Variants in LDLRAD4 observed in about 807,000 individuals in gnomAD.
The protein encoded by LDLRAD4 is low-density lipoprotein receptor class A domain-containing protein 4.
Under a neutral mutation model 17.0 loss-of-function variants are expected in LDLRAD4, and 5 were observed. The ratio of observed to expected loss-of-function variants is 0.29; its 90% CI spans 0.15 to 0.62. The LOEUF (loss-of-function observed/expected upper bound fraction) is 0.62. Among genes scored for constraint, LDLRAD4 ranks in the 20% least tolerant of loss-of-function variants. LDLRAD4 has a pLI of 0.84. For synonymous variants in LDLRAD4, 168 were observed against 171.8 expected, an observed-to-expected ratio of 0.98 and a Z score of 0.17; for missense variants, 340 against 424.7, an observed-to-expected ratio of 0.80 and a Z score of 1.75.
intron 1 of LDLRAD4, among the ~76,000 whole-genome samples, chr18:13,347,883 A>G (rs1396892049): frequency 1.3e-5 from 2 of 152,156 alleles, no homozygotes; most frequent in African/African-American, 2.4e-5. Context: ...AGGCTTGCGC[A>G]TTCGTCACAT....
At chr18:13,466,141 A>C (rs1023967367) in intron 3 of LDLRAD4, among the ~76,000 whole-genome samples, 14 of 152,202 alleles carry the variant, frequency 9.2e-5, no homozygotes, top group Admixed American at 2.6e-4. Context: ...GTTTGCAATT[A>C]GTTGTCTCTT....
chr18:13,605,345 GT>G (rs1344659153), intron 3 of LDLRAD4, among the ~76,000 whole-genome samples: 2 of 152,196 alleles, frequency 1.3e-5, no homozygotes, highest in Non-Finnish European at 2.9e-5. Context: ...AGCCTCCGGA[GT>G]AACTGGGATG....
chr18:13,263,576 G>A (rs185682428), intron 1 of LDLRAD4, among the ~76,000 whole-genome samples: 181 of 152,278 alleles, frequency 1.2e-3, no homozygotes, highest in Middle Eastern at 0.01. Context: ...GCCTGGGTTC[G>A]AGTCCCAGCT....
chr18:13,442,553 G>A (rs1204010807), intron 3 of LDLRAD4, among the ~76,000 whole-genome samples: 2 of 152,226 alleles, frequency 1.3e-5, no homozygotes, highest in Non-Finnish European at 2.9e-5. Context: ...AGAGACAGAA[G>A]CCAATGTATA....
intron 3 of LDLRAD4, among the ~76,000 whole-genome samples, chr18:13,501,673 A>T (rs7229066): frequency 0.18 from 27,113 of 151,440 alleles, 2,922 homozygotes; most frequent in Middle Eastern, 0.37. Flanking sequence ...TAGAAACCCA[A>T]GGGGTCCGGA....
chr18:13,483,417 C>G (rs1198146291), intron 3 of LDLRAD4, among the ~76,000 whole-genome samples: 1 of 152,170 alleles, frequency 6.6e-6, no homozygotes, highest in Non-Finnish European at 1.5e-5. Context: ...TTGTGCTGCC[C>G]CTGCCTGGAC....
intron 1 of LDLRAD4, among the ~76,000 whole-genome samples, chr18:13,239,055 C>G (rs532702524): frequency 1.2e-3 from 187 of 151,986 alleles, no homozygotes; most frequent in African/African-American, 4.3e-3. Context: ...GGCGTGGTGG[C>G]GCACACCTGT....
chr18:13,315,418 C>T (rs1189275388), intron 1 of LDLRAD4, among the ~76,000 whole-genome samples: 2 of 152,140 alleles, frequency 1.3e-5, no homozygotes, highest in African/African-American at 4.8e-5. Context: ...AGTTTTTGGA[C>T]TAATGAGATA....
chr18:13,459,941 G>T (rs543350115), intron 3 of LDLRAD4: 5 of 154,078 alleles, frequency 3.2e-5, no homozygotes, highest in African/African-American at 9.6e-5. Context: ...CTAAGTTTCC[G>T]CTCAAGGTCA....
At chr18:13,511,531 A>G (rs1161035879) in intron 3 of LDLRAD4, among the ~76,000 whole-genome samples, 1 of 152,232 alleles carries the variant, frequency 6.6e-6, no homozygotes, top group Non-Finnish European at 1.5e-5. Context: ...AAATAGTCAC[A>G]CAGGTTATCA....
intron 3 of LDLRAD4, among the ~76,000 whole-genome samples, chr18:13,574,984 C>G (rs1246059526): frequency 6.6e-6 from 1 of 152,176 alleles, no homozygotes; most frequent in Non-Finnish European, 1.5e-5. Context: ...TTTTCCATCC[C>G]TAGCTGAGTC....
chr18:13,394,063 A>G (rs2086474254), intron 2 of LDLRAD4, among the ~76,000 whole-genome samples: 1 of 152,222 alleles, frequency 6.6e-6, no homozygotes, highest in African/African-American at 2.4e-5. Context: ...TAAAAATATC[A>G]AATGCTTTTT....
At chr18:13,419,111 C>A (rs2145823276) in intron 2 of LDLRAD4, among the ~76,000 whole-genome samples, 1 of 152,246 alleles carries the variant, frequency 6.6e-6, no homozygotes, top group South Asian at 2.1e-4. Context: ...GAAGGAGTTC[C>A]TTAAATTTTT....
At chr18:13,365,153 C>G (rs1022663331) in intron 1 of LDLRAD4, among the ~76,000 whole-genome samples, 1 of 152,086 alleles carries the variant, frequency 6.6e-6, no homozygotes, top group Non-Finnish European at 1.5e-5. Context: ...TATTCTTTCC[C>G]CTGGAGAGAA....
intron 3 of LDLRAD4, among the ~76,000 whole-genome samples, chr18:13,525,381 A>G (rs2094014524): frequency 1.3e-5 from 2 of 152,226 alleles, no homozygotes; most frequent in Non-Finnish European, 2.9e-5. Context: ...TCACATTTAA[A>G]CACGCTAAAG....
chr18:13,284,048 A>G (rs1599112697), intron 1 of LDLRAD4, among the ~76,000 whole-genome samples: 1 of 152,140 alleles, frequency 6.6e-6, no homozygotes, highest in Admixed American at 6.5e-5. Flanking sequence ...CCCTCCCACG[A>G]TATGTGGGAA....
intron 2 of LDLRAD4, among the ~76,000 whole-genome samples, chr18:13,416,231 G>A (rs993617939): frequency 3.9e-5 from 6 of 152,216 alleles, no homozygotes; most frequent in South Asian, 2.1e-4. Flanking sequence ...GGTTGAGTGT[G>A]CAGCTTTAAA....
At chr18:13,603,827 A>C (rs1012004513) in intron 3 of LDLRAD4, among the ~76,000 whole-genome samples, 1 of 152,242 alleles carries the variant, frequency 6.6e-6, no homozygotes, top group Admixed American at 6.5e-5. Context: ...GATGTGAAGC[A>C]GGGACAGCAG....
chr18:13,490,577 A>G (rs951995562), intron 3 of LDLRAD4: 1 of 151,754 alleles, frequency 6.6e-6, no homozygotes, highest in Non-Finnish European at 1.5e-5. Context: ...AGTCCAAGCC[A>G]AAAAATATAC....
Sources: allele counts gnomAD v4.1 joint callset (sites outside exome capture counted in the v4.1 genomes callset), GRCh38; gene constraint gnomAD v4.1.1; transcripts MANE v1.5; gene names NCBI Gene and HGNC (gene_info 2026-07-23, HGNC 2026-07-21).